CLNK: variants seen among roughly 807,000 people sequenced by gnomAD.
CLNK encodes the protein cytokine dependent hematopoietic cell linker.
A neutral mutation model predicts 68.6 loss-of-function variants in CLNK; 74 were observed. The observed-to-expected ratio is 1.08, with a 90% CI of 0.89 to 1.31. The LOEUF is 1.31. Among genes scored for constraint, CLNK ranks in the 50% most tolerant of loss-of-function variants. The pLI is 0.00. For synonymous variants in CLNK, 198 were observed against 172.2 expected (o/e 1.15, Z -1.17); for missense variants, 553 against 515.3 (o/e 1.07, Z -0.71).
At chr4:10,699,239 CACAT>C in the CLNK span, among the ~76,000 whole-genome samples, 36 of 79,292 alleles carry the variant, frequency 4.5e-4, 4 homozygotes, top group African/African-American at 1.3e-3. Context: ...TGTATACACA[CACAT>C]ACACACCACG....
chr4:10,699,494 C>CTATATA, the CLNK span, among the ~76,000 whole-genome samples: 1 of 56,986 alleles, frequency 1.8e-5, no homozygotes, highest in African/African-American at 9.1e-5. Flanking sequence ...CTCTCTCTCT[C>CTATATA]TATATATATA....
the CLNK span, among the ~76,000 whole-genome samples, chr4:10,725,332 C>A: frequency 6.6e-6 from 1 of 152,146 alleles, no homozygotes; most frequent in Admixed American, 6.5e-5. Context: ...TTATGTGTAC[C>A]AGATGGCCTG....
At chr4:10,497,648 C>T (rs1472464016) in intron 18 of CLNK, among the ~76,000 whole-genome samples, 3 of 152,222 alleles carry the variant, frequency 2.0e-5, no homozygotes, top group African/African-American at 7.2e-5. Context: ...AGTCACTCTA[C>T]TTCCTCTTCT....
At chr4:10,678,633 T>C (rs1724963314) in intron 1 of CLNK, among the ~76,000 whole-genome samples, 1 of 152,132 alleles carries the variant, frequency 6.6e-6, no homozygotes, top group African/African-American at 2.4e-5. Flanking sequence ...AACCCCATCA[T>C]CTCAGCCCAA....
At chr4:10,510,764 G>A (rs550335529) in intron 16 of CLNK, among the ~76,000 whole-genome samples, 1 of 152,282 alleles carries the variant, frequency 6.6e-6, no homozygotes, top group South Asian at 2.1e-4. Context: ...CTATCTATCA[G>A]TGATATTCCC....
At chr4:10,492,685 C>G (rs1270200130) in intron 18 of CLNK, among the ~76,000 whole-genome samples, 1 of 152,168 alleles carries the variant, frequency 6.6e-6, no homozygotes, top group Admixed American at 6.5e-5. Context: ...CCAGGGTCAT[C>G]TCCTCCTTCC....
intron 15 of CLNK, among the ~76,000 whole-genome samples, chr4:10,514,934 T>C (rs1296684137): frequency 1.3e-5 from 2 of 152,130 alleles, no homozygotes; most frequent in Non-Finnish European, 2.9e-5. Flanking sequence ...CCCAGAGTCA[T>C]CTTTTAAGAA....
rs565078264 is a variant in CLNK at position 10,662,460 on chromosome 4, T to C, written c.11+5399A>G. Reference sequence around the variant, plus strand: ...GTAGTGAAACATGTGATGGTTGGATTAATTGGGATTAATGAAGAACATACA... The same window carrying C: ...GTAGTGAAACATGTGATGGTTGGATCAATTGGGATTAATGAAGAACATACA... On this transcript the variant is annotated intron_variant, in intron 2 of 18. Transcript: ENST00000226951. Among the ~76,000 whole-genome samples the C allele has an allele frequency of 8.5e-5, 13 of 152,280 alleles. No individual in the cohort carries two copies. The South Asian group carries it at 2.7e-3, about 32-fold the overall frequency.
chr4:10,565,887 T>G lies in CLNK; in HGVS notation c.292+122A>C, dbSNP rs899033753. ...GACTTTCTCAAGGTCACACAGCTAG[T>G]AAGTCATGGGGGCAGACGTTAACCT... is the stretch of plus-strand genomic sequence containing the variant. On this transcript the variant is annotated intron_variant, in intron 6 of 18. Transcript: ENST00000226951. 5 of 1,010,452 alleles carry G rather than the reference T, an allele frequency of 4.9e-6. No individual in the cohort carries two copies. The African/African-American group carries it at 6.5e-5, about 13-fold the overall frequency. 62.6% of individuals were successfully genotyped at this position (1,010,452 alleles called of 1,614,324 possible).
At chr4:10,701,159 T>G in the CLNK span, among the ~76,000 whole-genome samples, 1 of 152,318 alleles carries the variant, frequency 6.6e-6, no homozygotes, top group Non-Finnish European at 1.5e-5. Flanking sequence ...GCTGTTTCAT[T>G]TGTTTGTCAA....
chr4:10,679,692 A>G (rs1421181957), intron 1 of CLNK, among the ~76,000 whole-genome samples: 2 of 152,234 alleles, frequency 1.3e-5, no homozygotes, highest in Non-Finnish European at 2.9e-5. Flanking sequence ...CAACCCCATC[A>G]AAAAGTGGGC....
chr4:10,692,409 C>T, the CLNK span, among the ~76,000 whole-genome samples: 2 of 152,118 alleles, frequency 1.3e-5, no homozygotes, highest in Non-Finnish European at 2.9e-5. Flanking sequence ...TTGGTGATCC[C>T]GTGACTCAGG....
rs562426512 is a variant in CLNK, at chr4:10,620,927, C to G, written c.12-22878G>C. 9.8e-5 allele frequency among the ~76,000 whole-genome samples: 14 copies of G among 142,580 alleles called. 1 individual carries two copies. In the South Asian group the frequency reaches 3.3e-3, roughly 34 times the overall value. 93.5% of individuals were successfully genotyped at this position (142,580 alleles called of 152,430 possible). A position where few individuals can be genotyped will look rare whatever the true frequency, so the allele number is the denominator to read the frequency against. Reference sequence around the variant, plus strand: ...ACAATCCTGGCTAACATGGTGAAGCCCCGTCTCTACTAAAAATACAAAAAA... The same window carrying G: ...ACAATCCTGGCTAACATGGTGAAGCGCCGTCTCTACTAAAAATACAAAAAA... On this transcript the variant is annotated intron_variant, in intron 2 of 18. Coordinates refer to ENST00000226951, the MANE Select transcript of CLNK (RefSeq NM_052964.4).
At chr4:10,630,491 TA>T (rs1722843334) in intron 2 of CLNK, among the ~76,000 whole-genome samples, 1 of 150,736 alleles carries the variant, frequency 6.6e-6, no homozygotes, top group South Asian at 2.2e-4. Flanking sequence ...AACTCTGGGC[TA>T]TGTGTTGTGG....
intron 2 of CLNK, among the ~76,000 whole-genome samples, chr4:10,601,534 C>T (rs574214323): frequency 6.6e-6 from 1 of 152,258 alleles, no homozygotes; most frequent in African/African-American, 2.4e-5. Context: ...ATATACAATG[C>T]TGGGAGATTT....
chr4:10,584,573 A>C (rs140528054), intron 4 of CLNK, among the ~76,000 whole-genome samples: 1 of 152,292 alleles, frequency 6.6e-6, no homozygotes, highest in East Asian at 1.9e-4. Flanking sequence ...AACCAATTAT[A>C]TGGAATTTAG....
chr4:10,655,878 T>C (rs1246297568), intron 2 of CLNK, among the ~76,000 whole-genome samples: 1 of 152,036 alleles, frequency 6.6e-6, no homozygotes, highest in African/African-American at 2.4e-5. Context: ...CTCGATCTCC[T>C]GACCTCGTGA....
At chr4:10,549,447 A>T (rs1260812990) in intron 8 of CLNK, among the ~76,000 whole-genome samples, 1 of 152,178 alleles carries the variant, frequency 6.6e-6, no homozygotes, top group East Asian at 1.9e-4. Context: ...TTGGAACTGA[A>T]TTTGTTAAGA....
intron 2 of CLNK, among the ~76,000 whole-genome samples, chr4:10,617,930 G>C (rs1722298495): frequency 6.6e-6 from 1 of 152,134 alleles, no homozygotes; most frequent in Admixed American, 6.5e-5. Context: ...TTTAGTTGGG[G>C]AGCAAAGAGG....
Sources: gnomAD v4.1 joint callset for allele counts (sites outside exome capture counted in the v4.1 genomes callset) on GRCh38, gnomAD v4.1.1 for gene constraint, MANE v1.5 for transcripts, NCBI Gene and HGNC (gene_info 2026-07-23, HGNC 2026-07-21) for gene names.